AHI1: variants seen among roughly 807,000 people sequenced by gnomAD.
AHI1 encodes the protein jouberin.
A neutral mutation model predicts 149.3 loss-of-function variants in AHI1; 123 were observed. The ratio of observed to expected loss-of-function variants is 0.82; its 90% CI spans 0.71 to 0.96. The LOEUF (loss-of-function observed/expected upper bound fraction) is 0.96, where lower values mean the gene tolerates loss of function less well. AHI1 is among the 40% of genes least tolerant of loss of function. The probability of loss-of-function intolerance (pLI) is 0.00; values close to 1 mark genes in which losing one functional copy is unlikely to be tolerated. For synonymous variants in AHI1, 475 were observed against 459.8 expected, an observed-to-expected ratio of 1.03 and a Z score of -0.42; for missense variants, 1,439 against 1,422.7, an observed-to-expected ratio of 1.01 and a Z score of -0.18.
rs376839440 is a variant in AHI1, at chr6:135,459,717, G to C, written c.932-2004C>G. On this transcript the variant is annotated intron_variant, in intron 8 of 28. Transcript: ENST00000265602. ...ATAGACACATCCCTCAAAAACTACA[G>C]TATATCAAATAGCTGACAGAAGTAA... is the stretch of plus-strand genomic sequence containing the variant. Among the ~76,000 whole-genome samples the C allele has an allele frequency of 7.0e-5, 9 of 129,058 alleles. No individual in the cohort carries two copies. The South Asian group carries it at 1.8e-3, about 26-fold the overall frequency. 84.7% of individuals were successfully genotyped at this position (129,058 alleles called of 152,430 possible).
chr6:135,346,402 G>A (rs369819293), intron 24 of AHI1, among the ~76,000 whole-genome samples: 1 of 151,794 alleles, frequency 6.6e-6, no homozygotes, highest in Non-Finnish European at 1.5e-5. Context: ...GGGTCTCAGT[G>A]TGTTAGCCAG....
At chr6:135,324,786 C>T (rs932576010) in intron 24 of AHI1, among the ~76,000 whole-genome samples, 1 of 151,896 alleles carries the variant, frequency 6.6e-6, no homozygotes, top group African/African-American at 2.4e-5. Context: ...AAGGTTTTAA[C>T]CAGAGGATTC....
At chr6:135,424,529 T>C (rs1360380007) in intron 20 of AHI1, among the ~76,000 whole-genome samples, 1 of 152,016 alleles carries the variant, frequency 6.6e-6, no homozygotes, top group Non-Finnish European at 1.5e-5. Context: ...CTAAATTTTG[T>C]ATTACTGGAT....
At position 135,427,849 on chromosome 6, in the gene AHI1, T is replaced by G. The variant is rs1784117094; in HGVS notation, c.2624-542A>C. ...GGAATCCAGGAAAATCAGTCAGGAG[T>G]CAAAAAGCAAAGAATCTAGATTCAT... On this transcript the variant is annotated intron_variant, in intron 19 of 28. Coordinates refer to ENST00000265602, the MANE Select transcript of AHI1 (RefSeq NM_001134831.2). 3.3e-5 allele frequency among the ~76,000 whole-genome samples: 5 copies of G among 150,944 alleles called. No homozygotes were observed. The South Asian group carries it at 1.0e-3, about 31-fold the overall frequency.
At chr6:135,433,714 TA>T (rs1023628504) in intron 15 of AHI1, among the ~76,000 whole-genome samples, 2 of 152,014 alleles carry the variant, frequency 1.3e-5, no homozygotes, top group Non-Finnish European at 2.9e-5. Flanking sequence ...TTAACTTTTA[TA>T]TTTGTAATTT....
intron 26 of AHI1, among the ~76,000 whole-genome samples, chr6:135,305,658 C>T (rs1374439489): frequency 6.6e-6 from 1 of 152,200 alleles, no homozygotes; most frequent in African/African-American, 2.4e-5. Context: ...AGGCTTTTCC[C>T]AGTCTTTCAG....
intron 5 of AHI1, among the ~76,000 whole-genome samples, chr6:135,468,454 A>T (rs1037513538): frequency 6.6e-6 from 1 of 152,130 alleles, no homozygotes; most frequent in Non-Finnish European, 1.5e-5. Flanking sequence ...CTGTAATCCC[A>T]ACAGTTTGGG....
intron 23 of AHI1, among the ~76,000 whole-genome samples, chr6:135,387,182 T>G (rs1193422788): frequency 6.6e-6 from 1 of 152,202 alleles, no homozygotes; most frequent in Non-Finnish European, 1.5e-5. Flanking sequence ...AGCACCTTGT[T>G]GAAAAGCATT....
At chr6:135,448,517 A>G in intron 11 of AHI1, 42 bp from the exon 12 acceptor site, 1 of 1,350,576 alleles carries the variant, frequency 7.4e-7, no homozygotes, top group Non-Finnish European at 9.9e-7. Flanking sequence ...TTCATTGAAA[A>G]TAAATATATC....
chr6:135,383,226 C>CCTTTTTTTT (rs1554303142), intron 23 of AHI1, among the ~76,000 whole-genome samples: 1 of 76,870 alleles, frequency 1.3e-5, no homozygotes, highest in Non-Finnish European at 2.2e-5. Context: ...TCCCCCCTCC[C>CCTTTTTTTT]TTTTTTTTTT....
At position 135,409,756 on chromosome 6, in the gene AHI1, T is replaced by C. The variant is rs183318044; in HGVS notation, c.2961+1592A>G. ...TAAGAAATCTTTAAAAATCAAGCGA[T>C]TTCACTAGGATATTTCTAAGATACT... On this transcript the variant is annotated intron_variant, in intron 21 of 28. Transcript: ENST00000265602. Among the ~76,000 whole-genome samples the C allele has an allele frequency of 3.2e-3, 483 of 152,338 alleles. 8 individuals are homozygous for C. The highest frequency in any genetic ancestry group is 0.029 in the Admixed American group (437 of 15,294).
intron 22 of AHI1, among the ~76,000 whole-genome samples, chr6:135,397,199 G>C (rs1465758766): frequency 2.6e-5 from 4 of 151,834 alleles, no homozygotes; most frequent in Non-Finnish European, 4.4e-5. Context: ...TATTTGTTTT[G>C]AAATTAGAAC....
intron 27 of AHI1, among the ~76,000 whole-genome samples, chr6:135,295,765 GGA>G (rs1783003319): frequency 1.3e-5 from 2 of 152,200 alleles, no homozygotes; most frequent in Non-Finnish European, 2.9e-5. Context: ...CAGAAGTCTT[GGA>G]GAGATGGGTA....
chr6:135,369,283 T>C (rs551685286), intron 23 of AHI1, among the ~76,000 whole-genome samples: 1 of 152,330 alleles, frequency 6.6e-6, no homozygotes, highest in South Asian at 2.1e-4. Flanking sequence ...ACAGAGCATG[T>C]AGCAGCAAGC....
At chr6:135,455,241 C>G (rs1347501634) in intron 10 of AHI1, among the ~76,000 whole-genome samples, 2 of 152,060 alleles carry the variant, frequency 1.3e-5, no homozygotes, top group African/African-American at 2.4e-5. Flanking sequence ...TTCCATAAAG[C>G]TTTCCCTGAC....
chr6:135,463,107 T>A lies in AHI1; in HGVS notation c.931+18A>T. ...TCTACCAACATACACAATTTTTCATTTAATTTGTATAGCAAACCTGCTTTA... is the reference window on the plus strand; with the variant it reads ...TCTACCAACATACACAATTTTTCATATAATTTGTATAGCAAACCTGCTTTA... On this transcript the variant is annotated intron_variant, in intron 8 of 28. Coordinates refer to ENST00000265602, the MANE Select transcript of AHI1 (RefSeq NM_001134831.2). 1 of 1,547,414 alleles carries A rather than the reference T, an allele frequency of 6.5e-7. No individual in the cohort carries two copies. Among genetic ancestry groups the A allele is most frequent in the Non-Finnish European group, 8.7e-7 (1 of 1,147,180 alleles).
intron 16 of AHI1, among the ~76,000 whole-genome samples, chr6:135,431,962 C>G (rs1401800367): frequency 6.7e-6 from 1 of 150,272 alleles, no homozygotes; most frequent in Non-Finnish European, 1.5e-5. Flanking sequence ...ACAGCTTTGG[C>G]CCACCTCTAC....
chr6:135,491,812 T>C (rs1356935271), intron 4 of AHI1, among the ~76,000 whole-genome samples: 2 of 152,230 alleles, frequency 1.3e-5, no homozygotes, highest in African/African-American at 4.8e-5. Context: ...TTAAGAATTG[T>C]TATAACTGCT....
At chr6:135,453,284 C>T in intron 11 of AHI1, 57 bp downstream of exon 11, 2 of 1,330,128 alleles carry the variant, frequency 1.5e-6, no homozygotes, top group Non-Finnish European at 2.1e-6. Flanking sequence ...TGGGAGAAAG[C>T]AGCCAACTAA....
Sources: allele counts gnomAD v4.1 joint callset (sites outside exome capture counted in the v4.1 genomes callset), GRCh38; gene constraint gnomAD v4.1.1; transcripts MANE v1.5; gene names NCBI Gene and HGNC (gene_info 2026-07-23, HGNC 2026-07-21).